The following AP2B1 variants were observed in gnomAD, a reference collection of about 807,000 sequenced individuals.
AP2B1 encodes adaptor related protein complex 2 subunit beta 1.
AP2B1 carries 23 observed loss-of-function variants against 102.0 expected under a neutral mutation model. The observed-to-expected ratio is 0.23, with a 90% CI of 0.16 to 0.32. The LOEUF is 0.32. AP2B1 is among the 10% of genes least tolerant of loss of function. The pLI, the probability that AP2B1 is intolerant of heterozygous loss-of-function variation, is 1.00. For missense variants in AP2B1, 541 were observed against 1,157.4 expected (o/e 0.47, Z 7.73); for synonymous variants, 381 against 421.2 (o/e 0.90, Z 1.17).
chr17:35,671,490 C>G (rs760967317), intron 15 of AP2B1, among the ~76,000 whole-genome samples: 3 of 152,166 alleles, frequency 2.0e-5, no homozygotes, highest in Non-Finnish European at 4.4e-5. Context: ...GAAACAAATA[C>G]AAAATCTTGG....
chr17:35,719,564 T>G (rs987905206), intron 21 of AP2B1, among the ~76,000 whole-genome samples: 7 of 152,386 alleles, frequency 4.6e-5, no homozygotes, highest in Non-Finnish European at 8.8e-5. Context: ...TATCCATAGC[T>G]TGTTCTTTTT....
At chr17:35,612,878 GCGCACACA>G (rs965532503) in intron 5 of AP2B1, among the ~76,000 whole-genome samples, 2 of 79,796 alleles carry the variant, frequency 2.5e-5, no homozygotes, top group African/African-American at 9.2e-5. Context: ...ATGTGTATGT[GCGCACACA>G]CACACACACA....
intron 17 of AP2B1, among the ~76,000 whole-genome samples, chr17:35,677,548 G>A (rs1403532885): frequency 6.6e-6 from 1 of 152,070 alleles, no homozygotes; most frequent in Non-Finnish European, 1.5e-5. Flanking sequence ...CCTAAGTCCT[G>A]CAACTTTTTT....
intron 18 of AP2B1, among the ~76,000 whole-genome samples, chr17:35,684,520 G>T (rs932684812): frequency 6.6e-6 from 1 of 152,178 alleles, no homozygotes; most frequent in Non-Finnish European, 1.5e-5. Flanking sequence ...TAACTACCTT[G>T]TTGCCACAGT....
intron 20 of AP2B1, among the ~76,000 whole-genome samples, chr17:35,716,750 G>A (rs1035788811): frequency 6.6e-6 from 1 of 152,190 alleles, no homozygotes; most frequent in Non-Finnish European, 1.5e-5. Flanking sequence ...GTAGCACTAT[G>A]GATGTGGTCA....
intron 18 of AP2B1, 110 bp downstream of exon 18, chr17:35,682,934 G>C: frequency 9.1e-7 from 1 of 1,100,436 alleles, no homozygotes; most frequent in Non-Finnish European, 1.2e-6. Flanking sequence ...CTGGAGTGTA[G>C]TGGTGCGATC....
At chr17:35,635,112 C>T (rs2074569102) in intron 9 of AP2B1, among the ~76,000 whole-genome samples, 1 of 152,162 alleles carries the variant, frequency 6.6e-6, no homozygotes, top group Non-Finnish European at 1.5e-5. Flanking sequence ...AGTGCAGTGG[C>T]ACGATCTCGG....
chr17:35,704,840 G>C (rs762118740), intron 18 of AP2B1, among the ~76,000 whole-genome samples: 8 of 152,130 alleles, frequency 5.3e-5, no homozygotes, highest in Non-Finnish European at 1.2e-4. Flanking sequence ...AGACCAGCCT[G>C]ACCAACATGG....
At chr17:35,670,832 CCT>C (rs1431563975) in intron 14 of AP2B1, 23 bp from the exon 15 acceptor site, 1 of 1,613,156 alleles carries the variant, frequency 6.2e-7, no homozygotes, top group Non-Finnish European at 8.5e-7. Flanking sequence ...ACCTCTCTCT[CCT>C]CTCTCTCCTT....
At chr17:35,697,232 C>T (rs995857841) in intron 18 of AP2B1, among the ~76,000 whole-genome samples, 1 of 152,220 alleles carries the variant, frequency 6.6e-6, no homozygotes, top group Non-Finnish European at 1.5e-5. Flanking sequence ...GAAGCTGTTG[C>T]TTCCTTGATA....
Position 35,692,402 on chromosome 17 carries a change from A to G in AP2B1, c.2454+9578A>G, listed in dbSNP as rs186669201. Among the ~76,000 whole-genome samples, 17 of 152,328 alleles carry G rather than the reference A, an allele frequency of 1.1e-4. No individual in the cohort carries two copies. The East Asian group carries it at 3.1e-3, about 28-fold the overall frequency. ...TAATGGCATTAGTTTTATGTTTCTAATTTAATAAATGATTAGAAATAGATT... is the reference window on the plus strand; with the variant it reads ...TAATGGCATTAGTTTTATGTTTCTAGTTTAATAAATGATTAGAAATAGATT... On this transcript the variant is annotated intron_variant, in intron 18 of 21. Transcript: ENST00000610402.
rs750628978 is a variant in AP2B1 at position 35,605,729 on chromosome 17, C to T, written c.168C>T (p.Asn56=). 4.0e-5 allele frequency: 64 copies of T among 1,613,330 alleles called. No homozygotes were observed. In the East Asian group the frequency reaches 1.4e-3, roughly 35 times the overall value. The change falls in exon 4 of 22, where the codon AAC becomes AAT. Residue 56 remains asparagine, a synonymous_variant. Coordinates refer to ENST00000610402, the MANE Select transcript of AP2B1 (RefSeq NM_001030006.2). The part of the protein sequence containing the change: ...DVSSLFPDVV[N]CMQTDNLELK... ...GTTCTCTCTTTCCAGACGTAGTGAA[C>T]TGTATGCAGACTGACAATCTGGAAC...
chr17:35,601,703 AGGGCT>A (rs1231810728), intron 3 of AP2B1, among the ~76,000 whole-genome samples: 45 of 152,184 alleles, frequency 3.0e-4, no homozygotes, highest in African/African-American at 1.1e-3. Context: ...TAGTCACTGA[AGGGCT>A]GTTTTTGCCA....
At chr17:35,660,182 T>C (rs377033121) in intron 14 of AP2B1, 2 of 639,962 alleles carry the variant, frequency 3.1e-6, no homozygotes, top group Admixed American at 6.3e-5. Context: ...GTTCTCACTA[T>C]GTTGCGTAGG....
chr17:35,641,271 C>T (rs1259894679), intron 11 of AP2B1, among the ~76,000 whole-genome samples: 4 of 152,114 alleles, frequency 2.6e-5, no homozygotes, highest in Non-Finnish European at 5.9e-5. Flanking sequence ...AGTATGTTAA[C>T]ATATACTTTA....
At chr17:35,674,436 G>C (rs2075656314) in intron 17 of AP2B1, 115 bp downstream of exon 17, 1 of 1,269,178 alleles carries the variant, frequency 7.9e-7, no homozygotes, top group Admixed American at 2.0e-5. Context: ...AGGTACAGTG[G>C]CTCATGCCTA....
chr17:35,658,885 G>A (rs942013044), intron 14 of AP2B1, among the ~76,000 whole-genome samples: 2 of 152,056 alleles, frequency 1.3e-5, no homozygotes, highest in African/African-American at 4.8e-5. Flanking sequence ...AGGAAATAGG[G>A]TTATAGTCAT....
chr17:35,695,491 G>A (rs1420023540), intron 18 of AP2B1, among the ~76,000 whole-genome samples: 2 of 152,014 alleles, frequency 1.3e-5, no homozygotes, highest in East Asian at 3.9e-4. Flanking sequence ...ACTGGTGAAA[G>A]TTGCTTAATT....
intron 5 of AP2B1, among the ~76,000 whole-genome samples, chr17:35,612,417 C>T (rs1262997265): frequency 1.3e-5 from 2 of 152,136 alleles, no homozygotes; most frequent in African/African-American, 4.8e-5. Flanking sequence ...AAAGCTTGGG[C>T]TTAAGAGGTA....
Sources: allele counts gnomAD v4.1 joint callset (sites outside exome capture counted in the v4.1 genomes callset), GRCh38; gene constraint gnomAD v4.1.1; transcripts MANE v1.5; gene names NCBI Gene and HGNC (gene_info 2026-07-23, HGNC 2026-07-21).